Variants in CCDC178 observed in about 807,000 individuals in gnomAD.
CCDC178 encodes the protein coiled-coil domain containing 178.
In CCDC178, 126 loss-of-function variants were observed where a neutral mutation model predicts 117.4. The ratio of observed to expected loss-of-function variants is 1.07; its 90% CI spans 0.93 to 1.24. The LOEUF is 1.24. CCDC178 is among the 50% of genes most tolerant of loss of function. The probability of loss-of-function intolerance (pLI) is 0.00; values close to 1 mark genes in which losing one functional copy is unlikely to be tolerated. For synonymous variants in CCDC178, 283 were observed against 313.4 expected (o/e 0.90, Z 1.02); for missense variants, 1,030 against 986.9 (o/e 1.04, Z -0.59).
rs1300559639 is a variant in CCDC178, at chr18:33,278,306, T to C, written c.1177-11009A>G. Among the ~76,000 whole-genome samples the C allele has an allele frequency of 4.7e-5, 3 of 63,876 alleles. No individual in the cohort carries two copies. The East Asian group carries it at 1.7e-3, about 37-fold the overall frequency. 41.9% of individuals were successfully genotyped at this position (63,876 alleles called of 152,430 possible). A position where few individuals can be genotyped will look rare whatever the true frequency, so the allele number is the denominator to read the frequency against. On this transcript the variant is annotated intron_variant, in intron 12 of 22. Transcript: ENST00000383096. ...ACATATATATATATATATATATATATATATATATATTTACTTCATGAGAAA... is the reference window on the plus strand; with the variant it reads ...ACATATATATATATATATATATATACATATATATATTTACTTCATGAGAAA...
chr18:33,143,424 T>C (rs775903172), intron 20 of CCDC178, among the ~76,000 whole-genome samples: 4 of 152,160 alleles, frequency 2.6e-5, no homozygotes, highest in Non-Finnish European at 5.9e-5. Context: ...TAGGAGGAAC[T>C]GGAAATTTAT....
chr18:33,278,160 G>T (rs1446615088), intron 12 of CCDC178, among the ~76,000 whole-genome samples: 1 of 151,326 alleles, frequency 6.6e-6, no homozygotes, highest in African/African-American at 2.4e-5. Flanking sequence ...GGGGTGAAAT[G>T]TCTTCTTTTT....
At chr18:33,237,715 C>A (rs894177952) in intron 15 of CCDC178, among the ~76,000 whole-genome samples, 2 of 152,194 alleles carry the variant, frequency 1.3e-5, no homozygotes, top group Non-Finnish European at 2.9e-5. Context: ...CCACAGGCCA[C>A]CCCTGGCAGA....
intron 4 of CCDC178, among the ~76,000 whole-genome samples, chr18:33,393,811 T>C (rs2063594663): frequency 6.6e-6 from 1 of 152,106 alleles, no homozygotes; most frequent in Non-Finnish European, 1.5e-5. Context: ...GATAATAGTT[T>C]TGTGGACCTA....
chr18:32,963,892 G>T (rs767568250), intron 22 of CCDC178, among the ~76,000 whole-genome samples: 48 of 151,968 alleles, frequency 3.2e-4, no homozygotes, highest in Non-Finnish European at 5.3e-4. Flanking sequence ...GAAATTAATT[G>T]ATATTTTTCA....
At chr18:33,053,914 G>A (rs1234035491) in intron 21 of CCDC178, among the ~76,000 whole-genome samples, 1 of 152,024 alleles carries the variant, frequency 6.6e-6, no homozygotes, top group Non-Finnish European at 1.5e-5. Context: ...AAAATAATAA[G>A]TACATAAAAT....
intron 11 of CCDC178, among the ~76,000 whole-genome samples, chr18:33,304,274 G>T (rs889412620): frequency 1.3e-5 from 2 of 152,082 alleles, no homozygotes; most frequent in Non-Finnish European, 2.9e-5. Flanking sequence ...AAATACTTCT[G>T]CCATCACATT....
At chr18:33,379,758 C>A (rs1002096880) in intron 5 of CCDC178, among the ~76,000 whole-genome samples, 14 of 152,126 alleles carry the variant, frequency 9.2e-5, no homozygotes, top group Non-Finnish European at 1.9e-4. Flanking sequence ...CCCCAAACAA[C>A]AAGATCTCTG....
At chr18:33,183,158 T>G (rs2058750559) in intron 20 of CCDC178, among the ~76,000 whole-genome samples, 1 of 152,074 alleles carries the variant, frequency 6.6e-6, no homozygotes, top group Admixed American at 6.6e-5. Flanking sequence ...GCTCTTTTTT[T>G]GTTGTGGTAT....
At chr18:33,023,816 AAT>A in intron 21 of CCDC178, among the ~76,000 whole-genome samples, 1 of 152,306 alleles carries the variant, frequency 6.6e-6, no homozygotes, top group Non-Finnish European at 1.5e-5. Context: ...ATGTTCTCTG[AAT>A]ACATCAATAA....
chr18:33,035,424 TAATC>T (rs1423110039), intron 21 of CCDC178, among the ~76,000 whole-genome samples: 3 of 151,952 alleles, frequency 2.0e-5, no homozygotes, highest in Admixed American at 2.0e-4. Flanking sequence ...CAATGGAATA[TAATC>T]AGTCATAAAA....
chr18:33,423,948 G>T (rs2064073303), intron 2 of CCDC178, among the ~76,000 whole-genome samples: 1 of 151,942 alleles, frequency 6.6e-6, no homozygotes, highest in African/African-American at 2.4e-5. Context: ...TCAACATATT[G>T]TTTCTTTTTA....
At chr18:33,173,368 C>T (rs949852643) in intron 20 of CCDC178, among the ~76,000 whole-genome samples, 1 of 152,112 alleles carries the variant, frequency 6.6e-6, no homozygotes, top group Non-Finnish European at 1.5e-5. Flanking sequence ...TTTATAGAAA[C>T]TTCTAATTAC....
At chr18:33,253,900 A>G (rs913937448) in intron 14 of CCDC178, among the ~76,000 whole-genome samples, 8 of 151,890 alleles carry the variant, frequency 5.3e-5, no homozygotes, top group African/African-American at 1.9e-4. Context: ...TCAAAGTTGT[A>G]ATCAAGATTA....
intron 11 of CCDC178, among the ~76,000 whole-genome samples, chr18:33,304,946 A>G (rs1052299462): frequency 6.6e-6 from 1 of 152,032 alleles, no homozygotes; most frequent in Non-Finnish European, 1.5e-5. Context: ...CAACCTCTTC[A>G]TTTTTGCTCC....
chr18:33,236,521 T>C, intron 15 of CCDC178, among the ~76,000 whole-genome samples: 1 of 152,198 alleles, frequency 6.6e-6, no homozygotes, highest in East Asian at 1.9e-4. Flanking sequence ...TTCTTTCTGT[T>C]GCTTCTTTCC....
intron 15 of CCDC178, among the ~76,000 whole-genome samples, chr18:33,243,833 CAAGT>C (rs1046377861): frequency 1.3e-4 from 19 of 151,072 alleles, no homozygotes; most frequent in Non-Finnish European, 1.8e-4. Context: ...GTTAAGTGGC[CAAGT>C]AAGTGGATGA....
intron 20 of CCDC178, among the ~76,000 whole-genome samples, chr18:33,112,146 C>A (rs2057791900): frequency 6.6e-6 from 1 of 151,598 alleles, no homozygotes; most frequent in Non-Finnish European, 1.5e-5. Flanking sequence ...TGAACATAGT[C>A]TTTCTTATTT....
chr18:32,961,987 T>C (rs1279396312), intron 22 of CCDC178, among the ~76,000 whole-genome samples: 1 of 106,690 alleles, frequency 9.4e-6, no homozygotes, highest in Non-Finnish European at 1.9e-5. Flanking sequence ...ATTTCTGTTT[T>C]TTCTTTACTG....
Sources: gnomAD v4.1 joint callset for allele counts (sites outside exome capture counted in the v4.1 genomes callset) on GRCh38, gnomAD v4.1.1 for gene constraint, MANE v1.5 for transcripts, NCBI Gene and HGNC (gene_info 2026-07-23, HGNC 2026-07-21) for gene names.